AXDND1: variants seen among roughly 807,000 people sequenced by gnomAD.
The protein encoded by AXDND1 is axonemal dynein light chain domain-containing protein 1.
Under a neutral mutation model 137.5 loss-of-function variants are expected in AXDND1, and 110 were observed. The ratio of observed to expected loss-of-function variants is 0.80; its 90% CI spans 0.69 to 0.94. The LOEUF (loss-of-function observed/expected upper bound fraction) is 0.94. AXDND1 is among the 40% of genes least tolerant of loss of function. The probability of loss-of-function intolerance (pLI) is 0.00; values close to 1 mark genes in which losing one functional copy is unlikely to be tolerated. For synonymous variants in AXDND1, 414 were observed against 399.7 expected (o/e 1.04, Z -0.43); for missense variants, 1,191 against 1,169.8 (o/e 1.02, Z -0.26).
At chr1:179,542,715 C>T (rs911795852) in intron 25 of AXDND1, among the ~76,000 whole-genome samples, 5 of 152,138 alleles carry the variant, frequency 3.3e-5, no homozygotes, top group South Asian at 4.1e-4. Context: ...TCCATTCCCA[C>T]GAAAGTCTTG....
In AXDND1 at chr1:179,488,880, G is replaced by A. The variant is rs190502515; in HGVS notation, c.2092-2658G>A. Among the ~76,000 whole-genome samples the A allele has an allele frequency of 4.1e-3, 590 of 145,258 alleles. 40 individuals are homozygous for A. The highest frequency in any genetic ancestry group is 6.6e-3 in the Non-Finnish European group (441 of 66,662). ...CTCCCAAGTAGCTGGAATTACAGGCGCGTGCCACCACACCAGGCCAATTTT... is the reference window on the plus strand; with the variant it reads ...CTCCCAAGTAGCTGGAATTACAGGCACGTGCCACCACACCAGGCCAATTTT... On this transcript the variant is annotated intron_variant, in intron 18 of 25. Coordinates refer to ENST00000367618, the MANE Select transcript of AXDND1 (RefSeq NM_144696.6).
intron 9 of AXDND1, 150 bp downstream of exon 9, chr1:179,385,509 ATATATGGAAAGGGTC>A (rs2125103160): frequency 1.1e-6 from 1 of 883,684 alleles, no homozygotes; most frequent in Non-Finnish European, 1.8e-6. Flanking sequence ...TTTTTTGTTA[ATATATGGAAAGGGTC>A]TATAGCTTTC....
At position 179,472,747 on chromosome 1, in the gene AXDND1, T is replaced by A. The variant is rs1179332220; in HGVS notation, c.1997+4106T>A. Among the ~76,000 whole-genome samples the A allele has an allele frequency of 2.0e-5, 3 of 152,194 alleles. No individual in the cohort carries two copies. In the East Asian group the frequency reaches 5.8e-4, roughly 29 times the overall value. On this transcript the variant is annotated intron_variant, in intron 17 of 25. Coordinates refer to ENST00000367618, the MANE Select transcript of AXDND1 (RefSeq NM_144696.6). ...GTGATCCTTTTATAATTATAAAATATCCTTCCTTATTTTTAGTAACTTTTT... is the reference window on the plus strand; with the variant it reads ...GTGATCCTTTTATAATTATAAAATAACCTTCCTTATTTTTAGTAACTTTTT...
chr1:179,516,092 C>T (rs1572143156), intron 21 of AXDND1, among the ~76,000 whole-genome samples: 1 of 152,022 alleles, frequency 6.6e-6, no homozygotes, highest in South Asian at 2.1e-4. Flanking sequence ...ATCAATTATT[C>T]TTAGGTTTGG....
chr1:179,486,051 G>A (rs12408627), intron 18 of AXDND1, among the ~76,000 whole-genome samples: 30,202 of 147,376 alleles, frequency 0.2, 3,193 homozygotes, highest in Non-Finnish European at 0.24. Flanking sequence ...CTTGGGAGGC[G>A]GAGGTTGCAG....
Position 179,366,607 on chromosome 1 carries a change from G to T in AXDND1, c.97+1G>T. The stretch of plus-strand genomic sequence containing the variant: ...TCTGTAGCCAAGGAAGGGACAAGAG[G>T]TAAACTTCGTTGATTCTGAAGTCAT... On this transcript the variant is annotated splice_donor_variant, in intron 2 of 25. Coordinates refer to ENST00000367618, the MANE Select transcript of AXDND1 (RefSeq NM_144696.6). LOFTEE classifies it high-confidence loss of function. The T allele has an allele frequency of 6.2e-7, 1 of 1,602,048 alleles. No homozygotes were observed.
At chr1:179,399,709 T>C (rs566179022) in intron 11 of AXDND1, among the ~76,000 whole-genome samples, 1 of 152,094 alleles carries the variant, frequency 6.6e-6, no homozygotes, top group Non-Finnish European at 1.5e-5. Flanking sequence ...GAATCTACAA[T>C]GAACTCAAAC....
At chr1:179,412,728 A>G (rs1654081756) in intron 12 of AXDND1, among the ~76,000 whole-genome samples, 1 of 152,240 alleles carries the variant, frequency 6.6e-6, no homozygotes, top group Non-Finnish European at 1.5e-5. Flanking sequence ...ACATGCAAAT[A>G]AAATCAAGAG....
chr1:179,368,831 G>A lies in AXDND1; in HGVS notation c.129G>A (p.Met43Ile). The A allele has an allele frequency of 1.2e-6, 2 of 1,613,296 alleles. No homozygotes were observed. Reference sequence around the variant, plus strand: ...CTGAGCTAAAGGAGAAAAAAAATATGGTGGATCGTTCAAAACTCCTTCCTA... The same window carrying A: ...CTGAGCTAAAGGAGAAAAAAAATATAGTGGATCGTTCAAAACTCCTTCCTA... ...GLPELKEKKN[M>I]VDRSKLLPTS... is the part of the protein sequence containing the mutation. Residue 43 changes from methionine to isoleucine, a missense_variant, in exon 3 of 26, where the codon ATG (methionine) becomes ATA (isoleucine). Physicochemically the swap from Met to Ile is conservative, Grantham distance 10. Transcript: ENST00000367618.
At chr1:179,430,791 A>G (rs113905664) in intron 14 of AXDND1, among the ~76,000 whole-genome samples, 185 bp downstream of exon 14, 3 of 152,214 alleles carry the variant, frequency 2.0e-5, no homozygotes, top group African/African-American at 7.2e-5. Context: ...AGTGCTAAGT[A>G]TCTCTCTAGT....
intron 15 of AXDND1, among the ~76,000 whole-genome samples, chr1:179,435,259 C>T (rs1025496246): frequency 5.3e-5 from 8 of 152,114 alleles, no homozygotes; most frequent in Non-Finnish European, 1.2e-4. Context: ...CGAAAATGGC[C>T]ATACTGCCCA....
intron 4 of AXDND1, 37 bp downstream of exon 4, chr1:179,370,115 T>G: frequency 6.6e-7 from 1 of 1,507,400 alleles, no homozygotes; most frequent in Non-Finnish European, 9.2e-7. Flanking sequence ...TGCTGATAAA[T>G]AGAGTTGTTT....
chr1:179,514,094 T>C (rs566152855), intron 21 of AXDND1, among the ~76,000 whole-genome samples: 23 of 152,256 alleles, frequency 1.5e-4, no homozygotes, highest in African/African-American at 4.1e-4. Context: ...TCTTGGTTAT[T>C]TCCTTTCTTC....
chr1:179,528,382 A>G lies in AXDND1; in HGVS notation c.2666A>G (p.Glu889Gly). 1.9e-6 allele frequency: 3 copies of G among 1,614,008 alleles called. No individual in the cohort carries two copies. Among genetic ancestry groups the G allele is most frequent in the Non-Finnish European group, 2.5e-6 (3 of 1,179,894 alleles). ...CTCATTCGATTCATTGGAGAAGATG[A>G]AAATGTTCATTCCAAACCTCTATTT... The part of the protein sequence containing the change: ...EKLIRFIGED[E>G]NVHSKPLFET... The change falls in exon 23 of 26, where the codon GAA (glutamate) becomes GGA (glycine). Residue 889 changes from glutamate (E) to glycine (G), a missense_variant. Coordinates refer to ENST00000367618, the MANE Select transcript of AXDND1 (RefSeq NM_144696.6).
intron 25 of AXDND1, chr1:179,544,699 A>G (rs1165700574): frequency 1.3e-5 from 2 of 152,042 alleles, no homozygotes; most frequent in Admixed American, 6.6e-5. Flanking sequence ...AGAAAAAGAA[A>G]AAAAGAGAGA....
chr1:179,394,081 C>A, intron 10 of AXDND1, 38 bp downstream of exon 10: 1 of 1,551,142 alleles, frequency 6.4e-7, no homozygotes, highest in South Asian at 1.2e-5. Flanking sequence ...AAACAAAAGT[C>A]AATGTCATGT....
chr1:179,483,112 T>G lies in AXDND1; in HGVS notation c.1998-16T>G. On this transcript the variant is annotated splice_polypyrimidine_tract_variant and intron_variant, in intron 17 of 25. Transcript: ENST00000367618. ...AATCAGCCAGTCACTTTTATTTTAC[T>G]TGATTTTTCCTTCAGGGTACTCCAA... is the stretch of plus-strand genomic sequence containing the variant. 3.3e-6 allele frequency: 5 copies of G among 1,520,820 alleles called. No individual in the cohort carries two copies. The highest frequency in any genetic ancestry group is 4.5e-6 in the Non-Finnish European group (5 of 1,113,406). The allele number at this position is 1,520,820 out of a possible 1,614,324, so 94.2% of individuals were successfully genotyped here.
intron 6 of AXDND1, among the ~76,000 whole-genome samples, chr1:179,379,736 C>T (rs1234832963): frequency 1.5e-5 from 2 of 137,444 alleles, no homozygotes; most frequent in Non-Finnish European, 3.0e-5. Context: ...GCGGAGGTTG[C>T]AGTGAGCCAA....
At chr1:179,490,620 T>G (rs1264168940) in intron 18 of AXDND1, among the ~76,000 whole-genome samples, 1 of 152,190 alleles carries the variant, frequency 6.6e-6, no homozygotes, top group Non-Finnish European at 1.5e-5. Context: ...GAAAAAACCT[T>G]TTATTTTATT....
Sources: gnomAD v4.1 joint callset for allele counts (sites outside exome capture counted in the v4.1 genomes callset) on GRCh38, gnomAD v4.1.1 for gene constraint, MANE v1.5 for transcripts, NCBI Gene and HGNC (gene_info 2026-07-23, HGNC 2026-07-21) for gene names.